Variants in THEMIS observed in about 807,000 individuals in gnomAD.
THEMIS encodes the protein protein THEMIS.
A neutral mutation model predicts 52.6 loss-of-function variants in THEMIS; 37 were observed. The observed-to-expected ratio is 0.70, with a 90% CI of 0.54 to 0.93. The LOEUF is 0.93. Ranked by LOEUF, THEMIS falls within the 40% of genes least tolerant of loss-of-function variation. The pLI is 0.00. For missense variants in THEMIS, 808 were observed against 763.1 expected (o/e 1.06, Z -0.69); for synonymous variants, 292 against 272.7 (o/e 1.07, Z -0.70).
chr6:127,817,509 T>C (rs2114621300), intron 3 of THEMIS, among the ~76,000 whole-genome samples: 1 of 152,256 alleles, frequency 6.6e-6, no homozygotes, highest in Non-Finnish European at 1.5e-5. Context: ...GGTATAAATA[T>C]ATGAGCAAAG....
intron 4 of THEMIS, among the ~76,000 whole-genome samples, chr6:127,758,038 C>T (rs1055926964): frequency 1.7e-4 from 26 of 151,374 alleles, no homozygotes; most frequent in Admixed American, 2.6e-4. Flanking sequence ...TATACAAATA[C>T]ACATATATGT....
intron 4 of THEMIS, among the ~76,000 whole-genome samples, chr6:127,745,894 T>G (rs1775372392): frequency 6.6e-6 from 1 of 151,902 alleles, no homozygotes; most frequent in South Asian, 2.1e-4. Flanking sequence ...TTGAAGAATT[T>G]AACACATTAT....
chr6:127,832,097 C>T (rs946106335), intron 2 of THEMIS, among the ~76,000 whole-genome samples: 2 of 152,070 alleles, frequency 1.3e-5, no homozygotes, highest in Non-Finnish European at 1.5e-5. Context: ...TATTTTTATC[C>T]TAGCTATATC....
intron 2 of THEMIS, among the ~76,000 whole-genome samples, chr6:127,841,780 G>A (rs1244019772): frequency 6.6e-6 from 1 of 151,764 alleles, no homozygotes; most frequent in Non-Finnish European, 1.5e-5. Context: ...AATTTCTTTT[G>A]CATGCTGATT....
chr6:127,778,759 G>A (rs1776645734), intron 4 of THEMIS, among the ~76,000 whole-genome samples: 1 of 150,874 alleles, frequency 6.6e-6, no homozygotes, highest in African/African-American at 2.4e-5. Context: ...AGTTATATAT[G>A]ACAGTACTTC....
At chr6:127,866,790 TA>T (rs1255499708) in intron 1 of THEMIS, among the ~76,000 whole-genome samples, 2 of 151,594 alleles carry the variant, frequency 1.3e-5, no homozygotes, top group Admixed American at 1.3e-4. Flanking sequence ...AAATAACCAA[TA>T]AAAGCCAAAA....
chr6:127,831,035 C>G (rs1401261874), intron 2 of THEMIS, among the ~76,000 whole-genome samples: 1 of 152,194 alleles, frequency 6.6e-6, no homozygotes, highest in Admixed American at 6.5e-5. Flanking sequence ...ATACCAGGTT[C>G]TGTAGTTGTT....
chr6:127,907,337 A>ATTTTTTTTTTTTTTTTTT lies in THEMIS; in HGVS notation c.-149-6274_-149-6257dup. Reference sequence around the variant, plus strand: ...AATACCATTAGGGCATTAGGCTCGGATTTTTTTTTTTTTTTTTTTTTTTTT... The same window carrying ATTTTTTTTTTTTTTTTTT: ...AATACCATTAGGGCATTAGGCTCGGATTTTTTTTTTTTTTTTTTTTTTTTTTTTTTTTTTTTTTTTTTT... On this transcript the variant is annotated intron_variant, in intron 1 of 6. Transcript: ENST00000368250. Among the ~76,000 whole-genome samples the ATTTTTTTTTTTTTTTTTT allele has an allele frequency of 3.7e-3, 182 of 49,456 alleles. 51 individuals are homozygous for ATTTTTTTTTTTTTTTTTT. Among genetic ancestry groups the ATTTTTTTTTTTTTTTTTT allele is most frequent in the Non-Finnish European group, 5.4e-3 (143 of 26,670 alleles). 32.4% of individuals were successfully genotyped at this position (49,456 alleles called of 152,430 possible).
intron 1 of THEMIS, among the ~76,000 whole-genome samples, chr6:127,859,119 T>C (rs1779713328): frequency 6.6e-6 from 1 of 152,080 alleles, no homozygotes; most frequent in African/African-American, 2.4e-5. Flanking sequence ...GGAAACTGCA[T>C]TGGATGTTTC....
At chr6:127,735,603 A>C (rs1327805681) in intron 4 of THEMIS, among the ~76,000 whole-genome samples, 1 of 152,186 alleles carries the variant, frequency 6.6e-6, no homozygotes, top group Non-Finnish European at 1.5e-5. Context: ...TGGAAGAACA[A>C]CTTCTGAATC....
Position 127,765,486 on chromosome 6 carries a change from C to CT in THEMIS, c.1759-45664dup, listed in dbSNP as rs1178727993. Among the ~76,000 whole-genome samples the CT allele has an allele frequency of 2.6e-5, 4 of 151,986 alleles. No individual in the cohort carries two copies. The South Asian group carries it at 8.3e-4, about 31-fold the overall frequency. On this transcript the variant is annotated intron_variant, in intron 4 of 5. Coordinates refer to ENST00000368248, the MANE Select transcript of THEMIS (RefSeq NM_001010923.3). ...TATTACCAGTTATTGCAAATGAAGA[C>CT]TGTTTGTAAATAATGAAAAGAAATT...
chr6:127,837,315 G>C (rs565954240), intron 2 of THEMIS, among the ~76,000 whole-genome samples: 4 of 151,948 alleles, frequency 2.6e-5, no homozygotes, highest in African/African-American at 9.7e-5. Context: ...TACCCATGCC[G>C]GGGCTCATGA....
intron 4 of THEMIS, among the ~76,000 whole-genome samples, chr6:127,746,922 TAG>T (rs1775434978): frequency 4.7e-5 from 3 of 64,338 alleles, no homozygotes; most frequent in East Asian, 1.6e-3. Flanking sequence ...TAATTATATA[TAG>T]ATATCTATAA....
At chr6:127,897,953 T>C (rs1257938270) in intron 1 of THEMIS, among the ~76,000 whole-genome samples, 1 of 151,628 alleles carries the variant, frequency 6.6e-6, no homozygotes, top group Non-Finnish European at 1.5e-5. Flanking sequence ...TGAAAATGAA[T>C]GAACTATATA....
At chr6:127,732,135 G>A (rs188651150) in intron 4 of THEMIS, among the ~76,000 whole-genome samples, 3 of 151,146 alleles carry the variant, frequency 2.0e-5, no homozygotes, top group Non-Finnish European at 4.4e-5. Context: ...TCATATTCTC[G>A]TTGCTCAGTT....
chr6:127,720,892 T>C (rs1238036893), intron 4 of THEMIS, among the ~76,000 whole-genome samples: 1 of 151,904 alleles, frequency 6.6e-6, no homozygotes, highest in Non-Finnish European at 1.5e-5. Flanking sequence ...AGATTTTTAA[T>C]GTGGTGGACT....
At chr6:127,800,918 T>C (rs147671746) in intron 4 of THEMIS, among the ~76,000 whole-genome samples, 1 of 152,258 alleles carries the variant, frequency 6.6e-6, no homozygotes, top group East Asian at 1.9e-4. Context: ...CCCTGACTAA[T>C]ATAGATTTTG....
At chr6:127,826,395 C>A (rs556913736) in intron 3 of THEMIS, among the ~76,000 whole-genome samples, 3 of 152,280 alleles carry the variant, frequency 2.0e-5, no homozygotes, top group African/African-American at 7.2e-5. Context: ...ACTGATTATA[C>A]AATATGCAGA....
intron 2 of THEMIS, among the ~76,000 whole-genome samples, chr6:127,848,126 A>G (rs918784436): frequency 8.4e-6 from 1 of 119,482 alleles, no homozygotes; most frequent in Non-Finnish European, 1.6e-5. Context: ...TCCTGTGTCC[A>G]TGTGTTCTCA....
Sources: allele counts gnomAD v4.1 joint callset (sites outside exome capture counted in the v4.1 genomes callset), GRCh38; gene constraint gnomAD v4.1.1; transcripts MANE v1.5; gene names NCBI Gene and HGNC (gene_info 2026-07-23, HGNC 2026-07-21).